CNTNAP2: variants seen among roughly 807,000 people sequenced by gnomAD.
CNTNAP2 encodes the protein contactin associated protein 2.
A neutral mutation model predicts 155.2 loss-of-function variants in CNTNAP2; 98 were observed. That is an observed-to-expected ratio of 0.63 (90% CI 0.54 to 0.75). CNTNAP2 has a LOEUF of 0.75. Ranked by LOEUF, CNTNAP2 falls within the 30% of genes least tolerant of loss-of-function variation. CNTNAP2 has a pLI of 0.00. For synonymous variants in CNTNAP2, 651 were observed against 631.2 expected (o/e 1.03, Z -0.47); for missense variants, 1,727 against 1,688.1 (o/e 1.02, Z -0.40).
intron 10 of CNTNAP2, among the ~76,000 whole-genome samples, chr7:147,484,262 TCAA>T (rs1259509598): frequency 6.6e-6 from 1 of 152,198 alleles, no homozygotes; most frequent in Non-Finnish European, 1.5e-5. Context: ...TCATGATAAT[TCAA>T]CAAGATGCTT....
chr7:146,911,036 C>A (rs1490330749), intron 3 of CNTNAP2, among the ~76,000 whole-genome samples: 1 of 151,776 alleles, frequency 6.6e-6, no homozygotes, highest in African/African-American at 2.4e-5. Flanking sequence ...ATTTATGCAG[C>A]CAAAAAACAC....
intron 10 of CNTNAP2, among the ~76,000 whole-genome samples, chr7:147,478,509 T>A (rs1255222409): frequency 6.6e-6 from 1 of 152,184 alleles, no homozygotes; most frequent in Non-Finnish European, 1.5e-5. Flanking sequence ...TCCAGAATTA[T>A]ATTTCTCTGT....
chr7:147,774,263 T>A (rs1178989637), intron 13 of CNTNAP2, among the ~76,000 whole-genome samples: 2 of 152,186 alleles, frequency 1.3e-5, no homozygotes, highest in Non-Finnish European at 2.9e-5. Flanking sequence ...TATTAATGAT[T>A]TCCTGAAACC....
chr7:146,767,516 G>GTAT (rs1160568192), intron 1 of CNTNAP2, among the ~76,000 whole-genome samples: 1 of 152,106 alleles, frequency 6.6e-6, no homozygotes, highest in African/African-American at 2.4e-5. Context: ...TTCTTTAACT[G>GTAT]TATTGTATGA....
chr7:147,116,736 G>C (rs556172676), intron 5 of CNTNAP2, among the ~76,000 whole-genome samples: 2 of 151,926 alleles, frequency 1.3e-5, no homozygotes, highest in Admixed American at 1.3e-4. Flanking sequence ...CCCAGGGATA[G>C]AAAATAGCTC....
At chr7:147,938,896 A>G (rs1052571988) in intron 14 of CNTNAP2, among the ~76,000 whole-genome samples, 5 of 152,200 alleles carry the variant, frequency 3.3e-5, no homozygotes, top group Admixed American at 6.5e-5. Flanking sequence ...CTGGAGGCTT[A>G]AGGCTACTCA....
At chr7:146,622,573 C>T (rs1490661878) in intron 1 of CNTNAP2, among the ~76,000 whole-genome samples, 1 of 151,920 alleles carries the variant, frequency 6.6e-6, no homozygotes, top group Admixed American at 6.6e-5. Flanking sequence ...ATTGATGTAT[C>T]CAACTATAAT....
intron 21 of CNTNAP2, among the ~76,000 whole-genome samples, chr7:148,296,575 C>T (rs1280958892): frequency 1.1e-5 from 1 of 94,600 alleles, no homozygotes; most frequent in Admixed American, 1.1e-4. Context: ...AAAATTATCC[C>T]GTGAAATTCT....
intron 2 of CNTNAP2, among the ~76,000 whole-genome samples, chr7:146,824,099 A>T (rs1490573836): frequency 6.6e-6 from 1 of 151,230 alleles, no homozygotes; most frequent in African/African-American, 2.4e-5. Flanking sequence ...ATCTGTTCTC[A>T]TTTTTCAGCT....
At chr7:147,319,633 C>T (rs1217296311) in intron 9 of CNTNAP2, among the ~76,000 whole-genome samples, 1 of 152,130 alleles carries the variant, frequency 6.6e-6, no homozygotes, top group Non-Finnish European at 1.5e-5. Flanking sequence ...CCACCTCGGC[C>T]TCCCAAATTG....
chr7:146,342,407 G>A (rs1212177493), intron 1 of CNTNAP2, among the ~76,000 whole-genome samples: 1 of 152,008 alleles, frequency 6.6e-6, no homozygotes, highest in Non-Finnish European at 1.5e-5. Context: ...GTAACCCAAG[G>A]GATGACACTG....
chr7:147,329,830 A>T, intron 9 of CNTNAP2, among the ~76,000 whole-genome samples: 1 of 152,084 alleles, frequency 6.6e-6, no homozygotes, highest in Non-Finnish European at 1.5e-5. Flanking sequence ...GTCACGGTGC[A>T]CTTATGACAT....
At chr7:146,930,064 A>G (rs867859010) in intron 3 of CNTNAP2, among the ~76,000 whole-genome samples, 26 of 152,250 alleles carry the variant, frequency 1.7e-4, no homozygotes, top group Middle Eastern at 3.4e-3. Flanking sequence ...GCAGGCCAAC[A>G]TTCAGATTCA....
chr7:146,397,307 AT>A, intron 1 of CNTNAP2, among the ~76,000 whole-genome samples: 1 of 152,272 alleles, frequency 6.6e-6, no homozygotes, highest in South Asian at 2.1e-4. Context: ...CGGAGACCAC[AT>A]TTACCACATT....
intron 1 of CNTNAP2, among the ~76,000 whole-genome samples, chr7:146,184,758 G>A (rs759545896): frequency 2.6e-5 from 4 of 152,160 alleles, no homozygotes; most frequent in African/African-American, 7.2e-5. Flanking sequence ...TTTATCCTTT[G>A]TAGTTGAAAG....
chr7:147,848,377 C>T (rs1405854406), intron 13 of CNTNAP2, among the ~76,000 whole-genome samples: 1 of 150,702 alleles, frequency 6.6e-6, no homozygotes, highest in Non-Finnish European at 1.5e-5. Context: ...CGTCCGTCAC[C>T]CCTTTCTTTG....
At chr7:146,691,144 C>T in intron 1 of CNTNAP2, among the ~76,000 whole-genome samples, 1 of 152,154 alleles carries the variant, frequency 6.6e-6, no homozygotes, top group South Asian at 2.1e-4. Context: ...ACAATTTCCG[C>T]CATTTTCTTA....
chr7:146,236,573 AT>A (rs2116921748), intron 1 of CNTNAP2, among the ~76,000 whole-genome samples: 1 of 152,288 alleles, frequency 6.6e-6, no homozygotes, highest in Non-Finnish European at 1.5e-5. Context: ...CTGCATACTA[AT>A]AAAAACCTGA....
chr7:147,544,055 T>G (rs950017302), intron 11 of CNTNAP2, among the ~76,000 whole-genome samples: 3 of 152,162 alleles, frequency 2.0e-5, no homozygotes, highest in African/African-American at 7.2e-5. Context: ...TCTTTAAATA[T>G]AAGTGTTTCC....
Sources: gnomAD v4.1 joint callset for allele counts (sites outside exome capture counted in the v4.1 genomes callset) on GRCh38, gnomAD v4.1.1 for gene constraint, MANE v1.5 for transcripts, NCBI Gene and HGNC (gene_info 2026-07-23, HGNC 2026-07-21) for gene names.